The following EVL variants were observed in gnomAD, a reference collection of about 807,000 sequenced individuals.
EVL encodes the protein Enah/Vasp-like, also known as ena/VASP-like protein.
EVL carries 21 observed loss-of-function variants against 59.6 expected under a neutral mutation model. The ratio of observed to expected loss-of-function variants is 0.35; its 90% CI spans 0.25 to 0.51. EVL has a LOEUF of 0.51. Among genes scored for constraint, EVL ranks in the 20% least tolerant of loss-of-function variants. The pLI, the probability that EVL is intolerant of heterozygous loss-of-function variation, is 0.97. For missense variants in EVL, 462 were observed against 546.6 expected (o/e 0.85, Z 1.54); for synonymous variants, 198 against 203.5 (o/e 0.97, Z 0.23).
At chr14:100,123,311 G>C (rs949188026) in intron 3 of EVL, among the ~76,000 whole-genome samples, 4 of 152,182 alleles carry the variant, frequency 2.6e-5, no homozygotes, top group Non-Finnish European at 5.9e-5. Flanking sequence ...GTGAAAGTTT[G>C]GGTCTCATTT....
chr14:99,989,981 T>C (rs2060865081), intron 1 of EVL, among the ~76,000 whole-genome samples: 1 of 152,228 alleles, frequency 6.6e-6, no homozygotes, highest in African/African-American at 2.4e-5. Context: ...AAATTTCTAC[T>C]GTTGACCCAA....
intron 1 of EVL, among the ~76,000 whole-genome samples, chr14:99,998,006 A>T (rs1299401283): frequency 6.6e-6 from 1 of 151,842 alleles, no homozygotes; most frequent in Non-Finnish European, 1.5e-5. Context: ...CTCTTTATTT[A>T]TTCATTTATT....
At chr14:100,086,138 T>C (rs2062438496) in intron 2 of EVL, among the ~76,000 whole-genome samples, 1 of 152,148 alleles carries the variant, frequency 6.6e-6, no homozygotes, top group South Asian at 2.1e-4. Context: ...AGATAGTCTT[T>C]CTAACCTTGA....
intron 3 of EVL, among the ~76,000 whole-genome samples, chr14:100,099,503 T>C (rs1239609726): frequency 6.6e-6 from 1 of 152,230 alleles, no homozygotes; most frequent in African/African-American, 2.4e-5. Flanking sequence ...TTTCCCTATC[T>C]TGACAATGCT....
chr14:100,027,674 T>C (rs985429337), intron 1 of EVL, among the ~76,000 whole-genome samples: 3 of 152,090 alleles, frequency 2.0e-5, no homozygotes, highest in African/African-American at 7.2e-5. Flanking sequence ...CTTAGGTTGA[T>C]TTGTATCTTT....
intron 1 of EVL, among the ~76,000 whole-genome samples, chr14:99,998,261 C>G (rs554248496): frequency 6.6e-6 from 1 of 152,028 alleles, no homozygotes; most frequent in Non-Finnish European, 1.5e-5. Context: ...CAGTGATCCT[C>G]CCACCCCAGC....
intron 1 of EVL, among the ~76,000 whole-genome samples, chr14:100,026,830 A>G (rs940270834): frequency 6.6e-6 from 1 of 152,204 alleles, no homozygotes; most frequent in African/African-American, 2.4e-5. Context: ...ACTTTGAATT[A>G]AGTAAGTCAC....
intron 1 of EVL, among the ~76,000 whole-genome samples, chr14:99,995,315 T>A (rs2060905989): frequency 6.6e-6 from 1 of 152,214 alleles, no homozygotes; most frequent in Non-Finnish European, 1.5e-5. Flanking sequence ...TCTCTTCACC[T>A]TTCTTTATTC....
At chr14:100,013,458 T>G (rs928876156) in intron 1 of EVL, among the ~76,000 whole-genome samples, 10 of 152,204 alleles carry the variant, frequency 6.6e-5, no homozygotes, top group Non-Finnish European at 1.2e-4. Context: ...ATGAGGAAAC[T>G]GAGACTTAGG....
At chr14:99,976,989 ATTGT>A (rs760761219) in intron 1 of EVL, 1 of 148,694 alleles carries the variant, frequency 6.7e-6, no homozygotes, top group Non-Finnish European at 1.5e-5. Context: ...GATTGTTCTG[ATTGT>A]TCTGATTAGT....
chr14:100,143,703 A>G lies in EVL; in HGVS notation c.1222A>G (p.Ile408Val). ...HKVKEEIIDA[I>V]RQELSGISTT is the part of the protein sequence containing the mutation. ...AGCCGCCGCCACCTGTCCCGCAGCC[A>G]TCAGGCAGGAGCTGAGTGGGATCAG... The change falls in exon 14 of 14, where the codon ATC becomes GTC. Residue 408 changes from isoleucine (I) to valine (V), a missense_variant and splice_region_variant. Physicochemically the swap from Ile to Val is conservative, Grantham distance 29. Coordinates refer to ENST00000392920, the MANE Select transcript of EVL (RefSeq NM_016337.3). The G allele has an allele frequency of 1.2e-6, 2 of 1,612,274 alleles. No homozygotes were observed. Among genetic ancestry groups the G allele is most frequent in the Admixed American group, 1.7e-5 (1 of 59,996 alleles).
chr14:100,041,234 T>C (rs913578381), intron 1 of EVL, among the ~76,000 whole-genome samples: 2 of 152,192 alleles, frequency 1.3e-5, no homozygotes, highest in Non-Finnish European at 2.9e-5. Context: ...GGAAAAGATA[T>C]TGAACTTTTT....
chr14:99,997,538 G>T (rs986188080), intron 1 of EVL, among the ~76,000 whole-genome samples: 2 of 152,232 alleles, frequency 1.3e-5, no homozygotes, highest in African/African-American at 2.4e-5. Flanking sequence ...GACAAGAAAG[G>T]TATGGGGAGG....
At chr14:100,072,562 T>A (rs567244315) in intron 1 of EVL, among the ~76,000 whole-genome samples, 1 of 152,342 alleles carries the variant, frequency 6.6e-6, no homozygotes, top group Admixed American at 6.5e-5. Flanking sequence ...AAAGTGTTGA[T>A]TTTCTTTGTT....
intron 3 of EVL, chr14:100,106,854 A>T (rs1457448778): frequency 2.5e-6 from 1 of 398,542 alleles, no homozygotes; most frequent in Non-Finnish European, 4.4e-6. Context: ...AGAGGGAGGA[A>T]GTTTGTACTT....
intron 1 of EVL, among the ~76,000 whole-genome samples, chr14:100,001,367 A>G (rs1048357145): frequency 4.3e-4 from 66 of 152,244 alleles, no homozygotes; most frequent in African/African-American, 1.5e-3. Context: ...AAAATAATAA[A>G]AACTGGAAAA....
chr14:100,040,023 TC>T (rs1348120822), intron 1 of EVL, among the ~76,000 whole-genome samples: 1 of 152,154 alleles, frequency 6.6e-6, no homozygotes, highest in African/African-American at 2.4e-5. Flanking sequence ...CAAGGGATCC[TC>T]CTGCCTTGAC....
intron 1 of EVL, among the ~76,000 whole-genome samples, chr14:100,025,174 C>T (rs2061190359): frequency 6.6e-6 from 1 of 152,202 alleles, no homozygotes; most frequent in Admixed American, 6.5e-5. Flanking sequence ...AACCACCCAC[C>T]TCCCCTCCCA....
At chr14:100,121,983 G>A (rs757441795) in intron 3 of EVL, among the ~76,000 whole-genome samples, 16 of 152,212 alleles carry the variant, frequency 1.1e-4, no homozygotes, top group African/African-American at 2.4e-4. Flanking sequence ...GAACTCAGCC[G>A]TTGAGACCCG....
Sources: allele counts gnomAD v4.1 joint callset (sites outside exome capture counted in the v4.1 genomes callset), GRCh38; gene constraint gnomAD v4.1.1; transcripts MANE v1.5; gene names NCBI Gene and HGNC (gene_info 2026-07-23, HGNC 2026-07-21).